FLNA: variants seen among roughly 807,000 people sequenced by gnomAD.
The protein encoded by FLNA is filamin-A.
Under a neutral mutation model 157.6 loss-of-function variants are expected in FLNA, and 7 were observed. That is an observed-to-expected ratio of 0.04 (90% CI 0.03 to 0.08). The LOEUF (loss-of-function observed/expected upper bound fraction) is 0.08, where lower values mean the gene tolerates loss of function less well. Ranked by LOEUF, FLNA falls within the 10% of genes least tolerant of loss-of-function variation. The probability of loss-of-function intolerance (pLI) is 1.00; values close to 1 mark genes in which losing one functional copy is unlikely to be tolerated. For synonymous variants in FLNA, 1,103 were observed against 1,060.8 expected, an observed-to-expected ratio of 1.04 and a Z score of -0.77; for missense variants, 1,750 against 2,398.4, an observed-to-expected ratio of 0.73 and a Z score of 5.65.
Position 154,366,744 on chromosome X carries a change from T to C in FLNA, c.975A>G (p.Gly325=). ...EVLVYVEDPA[G]HQEEAKVTAN... is the part of the protein sequence containing the mutation. ...CAGCTGGCCCTACCTCCTCCTGGTGTCCGGCCGGGTCCTCCACGTACACCA... is the reference window on the plus strand; with the variant it reads ...CAGCTGGCCCTACCTCCTCCTGGTGCCCGGCCGGGTCCTCCACGTACACCA... The change falls in exon 6 of 48, where the codon GGA becomes GGG. Residue 325 remains glycine, a synonymous_variant. Coordinates refer to ENST00000369850, the MANE Select transcript of FLNA (RefSeq NM_001110556.2). 2 of 1,209,522 alleles carry C rather than the reference T, an allele frequency of 1.7e-6. No homozygotes were observed. Among genetic ancestry groups the C allele is most frequent in the Non-Finnish European group, 2.2e-6 (2 of 893,486 alleles).
chrX:154,351,100 G>GA (rs2067615399), intron 43 of FLNA, 59 bp from the exon 44 acceptor site: 8 of 1,179,241 alleles, frequency 6.8e-6, no homozygotes, highest in Non-Finnish European at 8.1e-6. Context: ...AGGGAGGACG[G>GA]AAAGGCCCCA....
At chrX:154,368,607 G>A (rs1194526714) in intron 2 of FLNA, among the ~76,000 whole-genome samples, 1 of 112,393 alleles carries the variant, frequency 8.9e-6, no homozygotes, top group African/African-American at 3.2e-5. Flanking sequence ...TGTTGTTCCA[G>A]GGTGGGTGGG....
chrX:154,360,979 G>A (rs797036005), intron 21 of FLNA, among the ~76,000 whole-genome samples: 35 of 97,483 alleles, frequency 3.6e-4, no homozygotes, highest in Non-Finnish European at 6.3e-4. Context: ...GCCAGGAGGC[G>A]GAGGGTGCCG....
At position 154,362,501 on chromosome X, in the gene FLNA, G is replaced by A. The variant is rs1557178272; in HGVS notation, c.2482C>T (p.Arg828Cys). The change falls in exon 17 of 48, where the codon CGC (arginine) becomes TGC (cysteine). Residue 828 changes from arginine to cysteine, a missense_variant. Physicochemically the swap from Arg to Cys is radical, Grantham distance 180 (BLOSUM62 -3). Coordinates refer to ENST00000369850, the MANE Select transcript of FLNA (RefSeq NM_001110556.2). ...ACCGTGAAGGTGTCATTGTCATTGC[G>A]GATGATGTCGAAGTCGATGTCAGCT... ...AEADIDFDII[R>C]NDNDTFTVKY... 6 of 1,210,256 alleles carry A rather than the reference G, an allele frequency of 5.0e-6. No individual in the cohort carries two copies. Among genetic ancestry groups the A allele is most frequent in the East Asian group, 3.0e-5 (1 of 33,793 alleles).
At position 154,357,453 on chromosome X, in the gene FLNA, G is replaced by A. The variant is rs786205196; in HGVS notation, c.4926C>T (p.Ala1642=). The A allele has an allele frequency of 5.0e-6, 6 of 1,209,059 alleles. No individual in the cohort carries two copies. The highest frequency in any genetic ancestry group is 1.7e-5 in the African/African-American group (1 of 57,952). ...YRVRAVPTGD[A]SKCTVTVSIG... Reference sequence around the variant, plus strand: ...GCTCACCTGTGACAGTGCACTTGCTGGCGTCCCCGGTGGGCACGGCACGCA... The same window carrying A: ...GCTCACCTGTGACAGTGCACTTGCTAGCGTCCCCGGTGGGCACGGCACGCA... The change falls in exon 29 of 48, where the codon GCC becomes GCT. Residue 1642 remains alanine (A), a synonymous_variant. Transcript: ENST00000369850.
chrX:154,370,331 G>T (rs1029994188), intron 2 of FLNA, among the ~76,000 whole-genome samples: 7 of 111,820 alleles, frequency 6.3e-5, no homozygotes, highest in South Asian at 7.3e-4. Flanking sequence ...TGTGTGTGTG[G>T]GGGGGTAGAT....
In FLNA at chrX:154,352,256, G is replaced by A; in HGVS notation, c.6694C>T (p.Pro2232Ser). 1 of 1,211,581 alleles carries A rather than the reference G, an allele frequency of 8.3e-7. No homozygotes were observed. Among genetic ancestry groups the A allele is most frequent in the Non-Finnish European group, 1.1e-6 (1 of 895,405 alleles). The change falls in exon 41 of 48, where the codon CCC (proline) becomes TCC (serine). Residue 2232 changes from proline (P) to serine (S), a missense_variant. By Grantham distance (74) the Pro-to-Ser change is moderately conservative (BLOSUM62 -1). Coordinates refer to ENST00000369850, the MANE Select transcript of FLNA (RefSeq NM_001110556.2). ...TTGTGGGCTCCCCCTTCCCCTAGGG[G>A]CCCCACGGTGAACTGGAAGGGGCTC... ...PGSPFQFTVG[P>S]LGEGGAHKVR...
rs2067748327 is a variant in FLNA at position 154,365,235 on chromosome X, T to A, written c.1592A>T (p.Lys531Met). The A allele has an allele frequency of 3.3e-6, 4 of 1,210,581 alleles. No homozygotes were observed. The highest frequency in any genetic ancestry group is 4.5e-6 in the Non-Finnish European group (4 of 895,229). The change falls in exon 11 of 48, where the codon AAG (lysine) becomes ATG (methionine). Residue 531 changes from lysine (K) to methionine (M), a missense_variant. Physicochemically the swap from Lys to Met is moderately conservative, Grantham distance 95 (BLOSUM62 -1). This residue lies in a region of FLNA where 648 missense variants were observed against 805.8 expected (regional missense o/e 0.80). Transcript: ENST00000369850. Reference protein sequence around the residue: ...GPKGEERVKQKDLGDGVYGFE... With the variant: ...GPKGEERVKQMDLGDGVYGFE... ...GCCATACACGCCATCCCCCAGGTCCTTCTGCTTCACGCGCTCCTCTCCCTC... is the reference window on the plus strand; with the variant it reads ...GCCATACACGCCATCCCCCAGGTCCATCTGCTTCACGCGCTCCTCTCCCTC...
intron 1 of FLNA, 85 bp downstream of exon 1, chrX:154,374,421 C>CTCTG (rs1489067956): frequency 8.9e-6 from 1 of 112,848 alleles, no homozygotes; most frequent in African/African-American, 3.2e-5. Context: ...TTTCCGGCCT[C>CTCTG]TCTGCCCGCC....
At position 154,351,888 on chromosome X, in the gene FLNA, C is replaced by T; in HGVS notation, c.6903G>A (p.Glu2301=). 8.3e-7 allele frequency: 1 copy of T among 1,211,642 alleles called. No individual in the cohort carries two copies. Among genetic ancestry groups the T allele is most frequent in the Non-Finnish European group, 1.1e-6 (1 of 895,422 alleles). Reference sequence around the variant, plus strand: ...CCCCAGCCGGGTTCCCAGTACCTGGCTCCTGGACCACATAAGCCACACCAC... The same window carrying T: ...CCCCAGCCGGGTTCCCAGTACCTGGTTCCTGGACCACATAAGCCACACCAC... ...GSCGVAYVVQ[E]PGDYEVSVKF... is the part of the protein sequence containing the mutation. The change falls in exon 42 of 48, where the codon GAG becomes GAA. Residue 2301 remains glutamate, a synonymous_variant. Transcript: ENST00000369850.
intron 2 of FLNA, among the ~76,000 whole-genome samples, chrX:154,368,826 C>T (rs887669997): frequency 4.4e-5 from 5 of 113,012 alleles, no homozygotes; most frequent in Non-Finnish European, 9.4e-5. Context: ...CGGGAGATGC[C>T]GGGGTGGCAG....
At position 154,367,811 on chromosome X, in the gene FLNA, C is replaced by A. The variant is rs782102493; in HGVS notation, c.622+31G>T. The A allele has an allele frequency of 2.5e-6, 3 of 1,210,611 alleles. No individual in the cohort carries two copies. The Admixed American group carries it at 6.5e-5, about 26-fold the overall frequency. On this transcript the variant is annotated intron_variant, in intron 3 of 47. Coordinates refer to ENST00000369850, the MANE Select transcript of FLNA (RefSeq NM_001110556.2). Reference sequence around the variant, plus strand: ...AAGGGCCACCCATGGGTGACCCCAGCCCAGTCTCTCCTGCCTCTGCGCCCC... The same window carrying A: ...AAGGGCCACCCATGGGTGACCCCAGACCAGTCTCTCCTGCCTCTGCGCCCC...
In FLNA at chrX:154,362,501, GGAT is replaced by G; in HGVS notation, c.2479_2481del (p.Ile827del). The G allele has an allele frequency of 8.3e-7, 1 of 1,211,301 alleles. No individual in the cohort carries two copies. Among genetic ancestry groups the G allele is most frequent in the Non-Finnish European group, 1.1e-6 (1 of 895,210 alleles). ...ACCGTGAAGGTGTCATTGTCATTGC[GGAT>G]GATGTCGAAGTCGATGTCAGCTTCG... On this transcript the variant is annotated inframe_deletion, in exon 17 of 48. Transcript: ENST00000369850.
At chrX:154,362,873 G>A in intron 15 of FLNA, 89 bp from the exon 16 acceptor site, 1 of 1,022,117 alleles carries the variant, frequency 9.8e-7, no homozygotes, top group Non-Finnish European at 1.3e-6. Context: ...CACACAAAAT[G>A]GTCCAGCTGC....
rs1557177704 is a variant in FLNA, at chrX:154,360,158, C to T, written c.3637G>A (p.Gly1213Ser). The change falls in exon 22 of 48, where the codon GGT (glycine) becomes AGT (serine). Residue 1213 changes from glycine (G) to serine (S), a missense_variant. Coordinates refer to ENST00000369850, the MANE Select transcript of FLNA (RefSeq NM_001110556.2). ...LPAEVYIQDH[G>S]DGTHTITYIP... is the part of the protein sequence containing the mutation. ...TAGGTAATGGTGTGCGTGCCATCAC[C>T]GTGGTCCTGGATGTACACCTCGGCC... 7 of 1,209,831 alleles carry T rather than the reference C, an allele frequency of 5.8e-6. No homozygotes were observed. Among genetic ancestry groups the T allele is most frequent in the Middle Eastern group, 4.6e-4 (2 of 4,350 alleles).
At chrX:154,360,709 C>T (rs782769058) in intron 21 of FLNA, 122 bp from the exon 22 acceptor site, 13 of 636,115 alleles carry the variant, frequency 2.0e-5, no homozygotes, top group African/African-American at 1.1e-4. Flanking sequence ...GGGACACGGG[C>T]GGGCCCAGGC....
At position 154,362,041 on chromosome X, in the gene FLNA, C is replaced by T. The variant is rs1557178146; in HGVS notation, c.2764G>A (p.Asp922Asn). 1.7e-6 allele frequency: 2 copies of T among 1,208,314 alleles called. No individual in the cohort carries two copies. Among genetic ancestry groups the T allele is most frequent in the African/African-American group, 1.8e-5 (1 of 56,781 alleles). ...TCATGGTGGTCGATGATGTCCACAT[C>T]TCGCACTGCATCCCCCTTGGTGAGT... is the stretch of plus-strand genomic sequence containing the variant. ...SGLTKGDAVR[D>N]VDIIDHHDNT... is the part of the protein sequence containing the mutation. The change falls in exon 19 of 48, where the codon GAT becomes AAT. Residue 922 changes from aspartate to asparagine, a missense_variant. Asp to Asn is a conservative substitution (Grantham distance 23). This residue lies in a region of FLNA where 648 missense variants were observed against 805.8 expected (regional missense o/e 0.80). Transcript: ENST00000369850.
Position 154,352,765 on chromosome X carries a change from C to G in FLNA, c.6379+7G>C, listed in dbSNP as rs782405240. ...GAGGGGGGCTGCCGAGGCACTGCTG[C>G]ACTCACCAGGCACGTGCTGGTCGGC... On this transcript the variant is annotated splice_region_variant and intron_variant, in intron 39 of 47. Transcript: ENST00000369850. 2.5e-6 allele frequency: 3 copies of G among 1,210,869 alleles called. No individual in the cohort carries two copies. Among genetic ancestry groups the G allele is most frequent in the Non-Finnish European group, 3.4e-6 (3 of 895,044 alleles).
intron 1 of FLNA, among the ~76,000 whole-genome samples, chrX:154,371,604 G>A (rs2067809434): frequency 8.8e-6 from 1 of 113,238 alleles, no homozygotes; most frequent in South Asian, 3.5e-4. Flanking sequence ...TCGCGTTGGC[G>A]CTGCAGGAAA....
Sources: allele counts gnomAD v4.1 joint callset (sites outside exome capture counted in the v4.1 genomes callset), GRCh38; gene constraint gnomAD v4.1.1; regional missense constraint gnomAD v4.1.1; transcripts MANE v1.5; gene names NCBI Gene and HGNC (gene_info 2026-07-23, HGNC 2026-07-21).